The following RABEP1 variants were observed in gnomAD, a reference collection of about 807,000 sequenced individuals.
The protein encoded by RABEP1 is rab GTPase-binding effector protein 1.
A neutral mutation model predicts 123.4 loss-of-function variants in RABEP1; 51 were observed. The ratio of observed to expected loss-of-function variants is 0.41; its 90% CI spans 0.33 to 0.52. RABEP1 has a LOEUF of 0.52. Ranked by LOEUF, RABEP1 falls within the 20% of genes least tolerant of loss-of-function variation. The probability of loss-of-function intolerance (pLI) is 0.16; values close to 1 mark genes in which losing one functional copy is unlikely to be tolerated. For missense variants in RABEP1, 888 were observed against 996.3 expected (o/e 0.89, Z 1.46); for synonymous variants, 347 against 355.2 (o/e 0.98, Z 0.26).
At chr17:5,367,352 AC>A in intron 11 of RABEP1, among the ~76,000 whole-genome samples, 1 of 151,676 alleles carries the variant, frequency 6.6e-6, no homozygotes, top group Admixed American at 6.6e-5. Flanking sequence ...GCTCACTGCA[AC>A]GTCTGCCTCC....
At chr17:5,297,190 C>T (rs992472244) in intron 1 of RABEP1, among the ~76,000 whole-genome samples, 1 of 151,904 alleles carries the variant, frequency 6.6e-6, no homozygotes, top group Admixed American at 6.6e-5. Context: ...TGTATAATGA[C>T]CTTTAGTTGA....
chr17:5,367,912 A>G (rs1296372261), intron 11 of RABEP1, among the ~76,000 whole-genome samples: 12 of 150,382 alleles, frequency 8.0e-5, no homozygotes, highest in Admixed American at 3.4e-4. Context: ...CCGCCACCAC[A>G]CCCAGCTAAT....
In RABEP1 at chr17:5,351,332, AATAAAT is replaced by A. The variant is rs983133966; in HGVS notation, c.963+709_963+714del. 5.0e-4 allele frequency among the ~76,000 whole-genome samples: 76 copies of A among 152,220 alleles called. 1 individual carries two copies. Among genetic ancestry groups the A allele is most frequent in the Admixed American group, 3.3e-4 (5 of 15,288 alleles). ...TTTTTTGTTTTAAATACAGTGAAAA[AATAAAT>A]ATAAAGTGATCAAGTGAAAAGTCTT... On this transcript the variant is annotated intron_variant, in intron 7 of 17. Transcript: ENST00000537505.
Position 5,307,146 on chromosome 17 carries a change from C to T in RABEP1, c.35-1548C>T, listed in dbSNP as rs374503782. ...CCAGCCTGACCAACATGTGAAACCC[C>T]GTCTCTACTAAAAATACAAAAATTA... On this transcript the variant is annotated intron_variant, in intron 1 of 17. Transcript: ENST00000537505. Among the ~76,000 whole-genome samples, 13 of 152,144 alleles carry T rather than the reference C, an allele frequency of 8.5e-5. No homozygotes were observed. The East Asian group carries it at 1.2e-3, about 14-fold the overall frequency.
chr17:5,337,503 A>T (rs1171595136), intron 4 of RABEP1, among the ~76,000 whole-genome samples: 2 of 151,686 alleles, frequency 1.3e-5, no homozygotes, highest in African/African-American at 4.8e-5. Flanking sequence ...GGCTAACACG[A>T]TGAAACCCTG....
intron 16 of RABEP1, among the ~76,000 whole-genome samples, chr17:5,380,716 C>G (rs1911383135): frequency 6.6e-6 from 1 of 152,214 alleles, no homozygotes; most frequent in South Asian, 2.1e-4. Flanking sequence ...ATTGACCAAG[C>G]CTGGGCACTG....
At chr17:5,381,285 C>A in intron 16 of RABEP1, 104 bp from the exon 17 acceptor site, 2 of 1,507,234 alleles carry the variant, frequency 1.3e-6, no homozygotes, top group Non-Finnish European at 8.9e-7. Flanking sequence ...CGACGGATAT[C>A]CACCCACCTT....
intron 2 of RABEP1, among the ~76,000 whole-genome samples, chr17:5,331,041 TTTTTTTTTTTTTTTA>T (rs1475742731): frequency 1.7e-5 from 2 of 119,466 alleles, no homozygotes; most frequent in African/African-American, 7.3e-5. Context: ...TTTTTTTTTT[TTTTTTTTTTTTTTTA>T]AAGAAACACA....
At chr17:5,361,099 C>T (rs1258993224) in intron 8 of RABEP1, 109 bp from the exon 9 acceptor site, 10 of 951,586 alleles carry the variant, frequency 1.1e-5, no homozygotes, top group South Asian at 1.7e-5. Context: ...GAAGGTAGCA[C>T]ATTAATGATT....
At chr17:5,367,923 T>G (rs1910206796) in intron 11 of RABEP1, among the ~76,000 whole-genome samples, 2 of 150,242 alleles carry the variant, frequency 1.3e-5, no homozygotes, top group African/African-American at 2.4e-5. Context: ...CCCAGCTAAT[T>G]TTTTTTTACT....
intron 11 of RABEP1, among the ~76,000 whole-genome samples, chr17:5,366,906 A>G (rs917929343): frequency 1.3e-5 from 2 of 151,572 alleles, no homozygotes; most frequent in South Asian, 2.1e-4. Context: ...CCTGACCAAC[A>G]TGGAGAAACC....
intron 2 of RABEP1, among the ~76,000 whole-genome samples, chr17:5,313,359 A>T (rs533248688): frequency 6.6e-6 from 1 of 152,322 alleles, no homozygotes; most frequent in South Asian, 2.1e-4. Context: ...TTTACCTCTT[A>T]TACCAAAACC....
intron 2 of RABEP1, among the ~76,000 whole-genome samples, chr17:5,322,182 A>G (rs1197407742): frequency 6.6e-6 from 1 of 152,086 alleles, no homozygotes; most frequent in Non-Finnish European, 1.5e-5. Context: ...CCTGGGCAAC[A>G]GAAGTGAAAC....
At chr17:5,339,491 A>G (rs1395745617) in intron 5 of RABEP1, among the ~76,000 whole-genome samples, 2 of 152,180 alleles carry the variant, frequency 1.3e-5, no homozygotes, top group Non-Finnish European at 2.9e-5. Flanking sequence ...TCTACGTGAT[A>G]GAGTGAGACT....
chr17:5,304,944 AT>A (rs768336990), intron 1 of RABEP1, among the ~76,000 whole-genome samples: 8 of 152,180 alleles, frequency 5.3e-5, no homozygotes, highest in Non-Finnish European at 8.8e-5. Context: ...AATACTACCA[AT>A]TTAATAATGA....
rs771055590 is a variant in RABEP1 at position 5,368,487 on chromosome 17, T to G, written c.1884+19T>G. 5.8e-6 allele frequency: 9 copies of G among 1,542,570 alleles called. No individual in the cohort carries two copies. The Admixed American group carries it at 1.5e-4, about 26-fold the overall frequency. On this transcript the variant is annotated intron_variant, in intron 12 of 17. Transcript: ENST00000537505. ...ACAGATGGTAAGTTTACATTTTAAG[T>G]AAATGACAACTATGTTACTATATAT...
intron 13 of RABEP1, among the ~76,000 whole-genome samples, chr17:5,375,719 AAAG>A (rs1910937374): frequency 6.6e-6 from 1 of 151,958 alleles, no homozygotes; most frequent in African/African-American, 2.4e-5. Flanking sequence ...TTAAAAAAAA[AAAG>A]GTTTTGGGAA....
At chr17:5,339,444 A>C (rs1450049543) in intron 5 of RABEP1, among the ~76,000 whole-genome samples, 2 of 152,148 alleles carry the variant, frequency 1.3e-5, no homozygotes, top group African/African-American at 4.8e-5. Flanking sequence ...AAAAGGTTGA[A>C]GTTGCAGTGA....
At chr17:5,319,933 A>C (rs1253349001) in intron 2 of RABEP1, among the ~76,000 whole-genome samples, 3 of 152,186 alleles carry the variant, frequency 2.0e-5, no homozygotes, top group Non-Finnish European at 2.9e-5. Flanking sequence ...TTCAAGAGGG[A>C]GTTGAGCAAG....
Sources: gnomAD v4.1 joint callset for allele counts (sites outside exome capture counted in the v4.1 genomes callset) on GRCh38, gnomAD v4.1.1 for gene constraint, MANE v1.5 for transcripts, NCBI Gene and HGNC (gene_info 2026-07-23, HGNC 2026-07-21) for gene names.